The following TEP1 variants were observed in gnomAD, a reference collection of about 807,000 sequenced individuals.
TEP1 encodes telomerase associated protein 1.
TEP1 carries 241 observed loss-of-function variants against 306.3 expected under a neutral mutation model. That is an observed-to-expected ratio of 0.79 (90% CI 0.71 to 0.88). The LOEUF is 0.88. TEP1 is among the 40% of genes least tolerant of loss of function. TEP1 has a pLI of 0.00. For synonymous variants in TEP1, 1,289 were observed against 1,305.5 expected, an observed-to-expected ratio of 0.99 and a Z score of 0.27; for missense variants, 3,051 against 3,276.1, an observed-to-expected ratio of 0.93 and a Z score of 1.68.
rs888434103 is a variant in TEP1 at position 20,403,869 on chromosome 14, C to G, written c.1048G>C (p.Asp350His). ...GGCAGGGGCACCAGCTTATTCTTAT[C>G]TCCCTCAGCCAGGCTCTGTCAAAGA... ...AELYQSLAEG[D>H]KNKLVPLPAC... Residue 350 changes from aspartate to histidine, a missense_variant, in exon 6 of 55, where the codon GAT becomes CAT. Asp to His is a moderately conservative substitution (Grantham distance 81). This residue lies in a region of TEP1 where 1,507 missense variants were observed against 1,550.5 expected (regional missense o/e 0.97). Coordinates refer to ENST00000262715, the MANE Select transcript of TEP1 (RefSeq NM_007110.5). 6.2e-7 allele frequency: 1 copy of G among 1,614,018 alleles called. No homozygotes were observed. The highest frequency in any genetic ancestry group is 8.5e-7 in the Non-Finnish European group (1 of 1,180,038).
chr14:20,369,983 G>A (rs1406486567), intron 51 of TEP1, among the ~76,000 whole-genome samples: 3 of 151,116 alleles, frequency 2.0e-5, no homozygotes, highest in African/African-American at 4.9e-5. Flanking sequence ...GCGTGATCTC[G>A]GTTCACTGCA....
chr14:20,408,325 A>C lies in TEP1; in HGVS notation c.115T>G (p.Ser39Ala). 6.2e-7 allele frequency: 1 copy of C among 1,612,824 alleles called. No homozygotes were observed. The highest frequency in any genetic ancestry group is 8.5e-7 in the Non-Finnish European group (1 of 1,179,884). The change falls in exon 2 of 55, where the codon TCT becomes GCT. Residue 39 changes from serine (S) to alanine (A), a missense_variant. By Grantham distance (99) the Ser-to-Ala change is moderately conservative (BLOSUM62 1). Coordinates refer to ENST00000262715, the MANE Select transcript of TEP1 (RefSeq NM_007110.5). Reference sequence around the variant, plus strand: ...AAGGAGAGGATATCTGAGTGGGTAGATACATGCTGATGTAGTTTCTCCAAG... The same window carrying C: ...AAGGAGAGGATATCTGAGTGGGTAGCTACATGCTGATGTAGTTTCTCCAAG... Reference protein sequence around the residue: ...QPLEKLHQHVSTHSDILSLKN... With the variant: ...QPLEKLHQHVATHSDILSLKN...
rs1394325455 is a variant in TEP1 at position 20,373,776 on chromosome 14, G to T, written c.6506C>A (p.Thr2169Asn). Residue 2169 changes from threonine to asparagine, a missense_variant, in exon 45 of 55, where the codon ACC becomes AAC. Physicochemically the swap from Thr to Asn is moderately conservative, Grantham distance 65. This residue lies in a region of TEP1 where 1,540 missense variants were observed against 1,705.9 expected (regional missense o/e 0.90). Coordinates refer to ENST00000262715, the MANE Select transcript of TEP1 (RefSeq NM_007110.5). ...GCCTTGATGGTCCCACACTTTCAAG[G>T]TCCCATCCCGGCTCACAGACACCAC... ...EHVVSVSRDGTLKVWDHQGVE... is the reference protein window; with the variant it reads ...EHVVSVSRDGNLKVWDHQGVE... 1.9e-6 allele frequency: 3 copies of T among 1,613,768 alleles called. No homozygotes were observed. Among genetic ancestry groups the T allele is most frequent in the Non-Finnish European group, 8.5e-7 (1 of 1,180,024 alleles).
intron 24 of TEP1, 32 bp from the exon 25 acceptor site, chr14:20,383,950 C>G (rs1318450537): frequency 1.3e-6 from 2 of 1,592,192 alleles, no homozygotes; most frequent in African/African-American, 2.7e-5. Flanking sequence ...AACATGGTCA[C>G]ATTTTACATG....
At position 20,408,121 on chromosome 14, in the gene TEP1, A is replaced by G. The variant is rs770780604; in HGVS notation, c.319T>C (p.Leu107=). The change falls in exon 2 of 55, where the codon TTG becomes CTG. Residue 107 remains leucine (L), a synonymous_variant. Coordinates refer to ENST00000262715, the MANE Select transcript of TEP1 (RefSeq NM_007110.5). The stretch of plus-strand genomic sequence containing the variant: ...AGGGTGGCCAGGCACCGGTTCTCCA[A>G]GGAGAGGATGTCTGGGTGGGCAGAA... ...HVSAHPDILS[L]ENRCLATLSS... The G allele has an allele frequency of 6.2e-7, 1 of 1,610,012 alleles. No individual in the cohort carries two copies. The highest frequency in any genetic ancestry group is 8.5e-7 in the Non-Finnish European group (1 of 1,177,518).
At chr14:20,399,274 C>T (rs1175248203) in intron 9 of TEP1, among the ~76,000 whole-genome samples, 3 of 152,060 alleles carry the variant, frequency 2.0e-5, no homozygotes, top group South Asian at 2.1e-4. Context: ...CATCCATTGT[C>T]GACTCAAGTT....
chr14:20,390,277 G>A (rs1194772388), intron 15 of TEP1, among the ~76,000 whole-genome samples: 1 of 152,088 alleles, frequency 6.6e-6, no homozygotes, highest in Non-Finnish European at 1.5e-5. Context: ...TACTCAAAAT[G>A]TATAACTTCC....
intron 2 of TEP1, 119 bp from the exon 3 acceptor site, chr14:20,406,519 T>G: frequency 3.0e-6 from 3 of 986,482 alleles, no homozygotes; most frequent in Non-Finnish European, 4.6e-6. Flanking sequence ...ATAGCACCTC[T>G]AATGTTCTCT....
At position 20,408,476 on chromosome 14, in the gene TEP1, A is replaced by AAAGACAGGAGATGAGCAC. The variant is rs1879388979; in HGVS notation, c.-24-31_-24-14dup. On this transcript the variant is annotated splice_polypyrimidine_tract_variant and intron_variant, in intron 1 of 54. Coordinates refer to ENST00000262715, the MANE Select transcript of TEP1 (RefSeq NM_007110.5). ...AGCTTGTATATGCCTAGAAGGAGAG[A>AAAGACAGGAGATGAGCAC]AAGACAGGAGATGAGCACCTGGCTG... The AAAGACAGGAGATGAGCAC allele has an allele frequency of 6.3e-7, 1 of 1,586,220 alleles. No homozygotes were observed. The highest frequency in any genetic ancestry group is 8.5e-7 in the Non-Finnish European group (1 of 1,169,742).
intron 21 of TEP1, 115 bp from the exon 22 acceptor site, chr14:20,384,828 A>C (rs530864318): frequency 7.7e-4 from 1,127 of 1,473,040 alleles, no homozygotes; most frequent in Admixed American, 1.9e-3. Context: ...AGAGCTCCTG[A>C]CTCCAGCACC....
intron 20 of TEP1, among the ~76,000 whole-genome samples, chr14:20,385,563 G>A (rs939185292): frequency 6.6e-6 from 1 of 151,254 alleles, no homozygotes; most frequent in African/African-American, 2.5e-5. Context: ...AGTAGAGACA[G>A]GGTTTCACCA....
At chr14:20,377,891 C>T in intron 39 of TEP1, 133 bp downstream of exon 39, 3 of 1,434,932 alleles carry the variant, frequency 2.1e-6, no homozygotes, top group South Asian at 1.2e-5. Flanking sequence ...CACAGCGGCA[C>T]CCCTCTCCCC....
In TEP1 at chr14:20,381,010, G is replaced by A. The variant is rs2228039; in HGVS notation, c.4683C>T (p.Phe1561=). The A allele has an allele frequency of 0.064, 103,708 of 1,613,970 alleles. 3,673 individuals are homozygous for A. The highest frequency in any genetic ancestry group is 0.091 in the South Asian group (8,278 of 91,070). ...QSGNRGLLSK[F]LTNLHVVAAH... ...CAGCCACCACATGGAGGTTGGTAAG[G>A]AACTTCGAAAGAAGTCCACGGTTCC... The change falls in exon 33 of 55, where the codon TTC becomes TTT. Residue 1561 remains phenylalanine (F), a synonymous_variant. Coordinates refer to ENST00000262715, the MANE Select transcript of TEP1 (RefSeq NM_007110.5). This position sits in a 1 kb window ranked among gnomAD's most constrained non-coding sequence, Gnocchi z 4.0.
chr14:20,383,414 G>C (rs1426868944), intron 26 of TEP1, 61 bp from the exon 27 acceptor site: 58 of 1,606,346 alleles, frequency 3.6e-5, no homozygotes, highest in Non-Finnish European at 4.8e-5. Context: ...CATTGGAGAG[G>C]CCTCTCTCCT....
chr14:20,405,551 A>G lies in TEP1; in HGVS notation c.770T>C (p.Val257Ala). 6.2e-7 allele frequency: 1 copy of G among 1,614,180 alleles called. No homozygotes were observed. Among genetic ancestry groups the G allele is most frequent in the Non-Finnish European group, 8.5e-7 (1 of 1,180,040 alleles). Residue 257 changes from valine to alanine, a missense_variant, in exon 4 of 55, where the codon GTC becomes GCC. Val to Ala is a moderately conservative substitution (Grantham distance 64, BLOSUM62 0). Coordinates refer to ENST00000262715, the MANE Select transcript of TEP1 (RefSeq NM_007110.5). ...ALLSLLCSTLVSEVNMNNTSD... is the reference protein window; with the variant it reads ...ALLSLLCSTLASEVNMNNTSD... ...TGTATTGTTCATGTTTACTTCTGAG[A>G]CCAGAGTAGAGCACAGCAAGCTCAG...
At chr14:20,411,597 C>T (rs914295961) in intron 1 of TEP1, among the ~76,000 whole-genome samples, 74 of 152,018 alleles carry the variant, frequency 4.9e-4, no homozygotes, top group African/African-American at 1.6e-3. Context: ...GGAGAGAGAC[C>T]CTTTTAGCCT....
rs139781911 is a variant in TEP1 at position 20,383,793 on chromosome 14, G to C, written c.3660C>G (p.Thr1220=). 151 of 1,611,078 alleles carry C rather than the reference G, an allele frequency of 9.4e-5. No homozygotes were observed. The East Asian group carries it at 1.9e-3, about 20-fold the overall frequency. ...GCTCTTTTAGTTGGCCACGCAGATA[G>C]GTACAGAGGCGTCTGAGCAGAGTGA... ...LALTLLRRLC[T]YLRGQLKEPG... Residue 1220 remains threonine (T), a synonymous_variant, in exon 25 of 55, where the codon ACC becomes ACG. Transcript: ENST00000262715.
chr14:20,373,629 G>T (rs1269221351), intron 45 of TEP1, 46 bp from the exon 46 acceptor site: 5 of 1,614,202 alleles, frequency 3.1e-6, no homozygotes, highest in Non-Finnish European at 3.4e-6. Flanking sequence ...CGGAGCAGGG[G>T]AGAAAAGAAG....
At chr14:20,382,961 C>A (rs962451599) in intron 27 of TEP1, among the ~76,000 whole-genome samples, 1 of 152,250 alleles carries the variant, frequency 6.6e-6, no homozygotes. Flanking sequence ...CCCCTCACCC[C>A]GAGAGGCCCT....
Sources: allele counts gnomAD v4.1 joint callset (sites outside exome capture counted in the v4.1 genomes callset), GRCh38; gene constraint gnomAD v4.1.1; regional missense constraint gnomAD v4.1.1; non-coding constraint Gnocchi (gnomAD v3.1); transcripts MANE v1.5; gene names NCBI Gene and HGNC (gene_info 2026-07-23, HGNC 2026-07-21).